Variants in OSTN observed in about 807,000 individuals in gnomAD.
OSTN encodes the protein osteocrin.
In OSTN, 9 loss-of-function variants were observed where a neutral mutation model predicts 12.0. That is an observed-to-expected ratio of 0.75 (90% CI 0.45 to 1.30). The LOEUF (loss-of-function observed/expected upper bound fraction) is 1.30. Ranked by LOEUF, OSTN falls within the 50% of genes most tolerant of loss-of-function variation. OSTN has a pLI of 0.00. For synonymous variants in OSTN, 59 were observed against 56.9 expected (o/e 1.04, Z -0.16); for missense variants, 148 against 152.3 (o/e 0.97, Z 0.15).
chr3:191,200,705 GC>G, intron 1 of OSTN, among the ~76,000 whole-genome samples: 1 of 152,208 alleles, frequency 6.6e-6, no homozygotes, highest in African/African-American at 2.4e-5. Context: ...ATTTGAGGAA[GC>G]CCCCATGTCA....
chr3:191,221,815 T>C (rs1714772218), intron 3 of OSTN, among the ~76,000 whole-genome samples: 1 of 152,024 alleles, frequency 6.6e-6, no homozygotes, highest in Admixed American at 6.6e-5. Flanking sequence ...ATGGGGAAAA[T>C]ATCTCCAGGG....
intron 3 of OSTN, among the ~76,000 whole-genome samples, chr3:191,220,607 G>A (rs7432430): frequency 0.19 from 29,639 of 152,040 alleles, 3,580 homozygotes; most frequent in Middle Eastern, 0.44. Flanking sequence ...TTGAGCTACC[G>A]TATGTTCCAG....
chr3:191,219,904 T>C (rs1401917589), intron 3 of OSTN, among the ~76,000 whole-genome samples: 3 of 152,206 alleles, frequency 2.0e-5, no homozygotes, highest in Non-Finnish European at 4.4e-5. Flanking sequence ...CTCCACTCTT[T>C]CCTCATCTCT....
chr3:191,212,449 T>C, intron 1 of OSTN, 84 bp from the exon 2 acceptor site: 2 of 781,192 alleles, frequency 2.6e-6, no homozygotes, highest in Non-Finnish European at 3.8e-6. Context: ...ACCATTTGCC[T>C]CTAACAGTCC....
At chr3:191,261,220 A>G (rs1715801978) in intron 4 of OSTN, among the ~76,000 whole-genome samples, 1 of 152,200 alleles carries the variant, frequency 6.6e-6, no homozygotes, top group Admixed American at 6.5e-5. Context: ...AATCACTGAC[A>G]TGCGGCAGAT....
chr3:191,263,383 G>A lies in OSTN; in HGVS notation c.*530G>A, dbSNP rs1454689. The stretch of plus-strand genomic sequence containing the variant: ...CTTCTCTTTTCATATTCAAGTTTCA[G>A]TCATGTTCAGAAAAATAAAACACAG... On this transcript the variant is annotated 3_prime_UTR_variant, in exon 5 of 5. Transcript: ENST00000682035. The A allele has an allele frequency of 0.057, 8,619 of 152,276 alleles. 309 individuals carry two copies. Among genetic ancestry groups the A allele is most frequent in the East Asian group, 0.13 (648 of 5,180 alleles). 9.4% of individuals were successfully genotyped at this position (152,276 alleles called of 1,614,324 possible).
chr3:191,226,035 A>C (rs916048532), intron 3 of OSTN, among the ~76,000 whole-genome samples: 1 of 152,162 alleles, frequency 6.6e-6, no homozygotes, highest in Non-Finnish European at 1.5e-5. Flanking sequence ...ATAAATAAGA[A>C]AATTTTAGGA....
chr3:191,216,141 A>T (rs1395339146), intron 2 of OSTN, among the ~76,000 whole-genome samples: 2 of 152,034 alleles, frequency 1.3e-5, no homozygotes, highest in African/African-American at 4.8e-5. Flanking sequence ...ACATGTGTAA[A>T]CCAGTGTAAA....
At chr3:191,252,813 T>G (rs1202313893) in intron 4 of OSTN, among the ~76,000 whole-genome samples, 1 of 152,236 alleles carries the variant, frequency 6.6e-6, no homozygotes, top group African/African-American at 2.4e-5. Flanking sequence ...TTTTATATTT[T>G]TATCTACTGT....
chr3:191,210,522 C>T (rs529039675), intron 1 of OSTN, among the ~76,000 whole-genome samples: 10 of 152,280 alleles, frequency 6.6e-5, no homozygotes, highest in African/African-American at 1.7e-4. Flanking sequence ...TGAATCGATT[C>T]AATCCTCTCA....
intron 3 of OSTN, among the ~76,000 whole-genome samples, chr3:191,230,978 C>T (rs532180460): frequency 1.3e-5 from 2 of 152,154 alleles, no homozygotes; most frequent in African/African-American, 2.4e-5. Context: ...CTACGGGCTT[C>T]GGAAGTTGAG....
intron 2 of OSTN, among the ~76,000 whole-genome samples, chr3:191,216,396 C>A (rs1714613744): frequency 6.6e-6 from 1 of 152,236 alleles, no homozygotes; most frequent in African/African-American, 2.4e-5. Context: ...TAGCATTTGG[C>A]TCCTAGTTAC....
chr3:191,244,950 A>G (rs1715397417), intron 3 of OSTN, among the ~76,000 whole-genome samples: 1 of 152,146 alleles, frequency 6.6e-6, no homozygotes, highest in Admixed American at 6.5e-5. Flanking sequence ...CCACTTGACC[A>G]GTAGTTTTCA....
At chr3:191,225,714 T>C (rs970214550) in intron 3 of OSTN, among the ~76,000 whole-genome samples, 1 of 152,134 alleles carries the variant, frequency 6.6e-6, no homozygotes, top group Non-Finnish European at 1.5e-5. Context: ...CTAACTGAAT[T>C]AATACAGAAA....
chr3:191,240,819 T>C (rs953050066), intron 3 of OSTN, among the ~76,000 whole-genome samples: 1 of 152,280 alleles, frequency 6.6e-6, no homozygotes, highest in African/African-American at 2.4e-5. Flanking sequence ...GTTGTTAGCA[T>C]GCACTTAGGA....
At chr3:191,250,374 T>A (rs1391712378) in intron 4 of OSTN, among the ~76,000 whole-genome samples, 1 of 152,176 alleles carries the variant, frequency 6.6e-6, no homozygotes, top group Admixed American at 6.5e-5. Flanking sequence ...ATGATTTAGT[T>A]GTTTTCAGAC....
chr3:191,246,121 C>T (rs1375223389), intron 3 of OSTN, among the ~76,000 whole-genome samples: 1 of 145,722 alleles, frequency 6.9e-6, no homozygotes, highest in Non-Finnish European at 1.5e-5. Context: ...TTCATGACAT[C>T]ATCTATTTCT....
chr3:191,205,812 A>G (rs184004315), intron 1 of OSTN, among the ~76,000 whole-genome samples: 42 of 152,324 alleles, frequency 2.8e-4, no homozygotes, highest in African/African-American at 9.4e-4. Context: ...CTCAGTTCTA[A>G]CAATTTTTGT....
intron 3 of OSTN, among the ~76,000 whole-genome samples, chr3:191,249,441 T>G (rs1198065411): frequency 1.3e-5 from 2 of 152,232 alleles, no homozygotes; most frequent in Admixed American, 1.3e-4. Flanking sequence ...TACTTCATTT[T>G]AATAATGAAG....
Sources: gnomAD v4.1 joint callset for allele counts (sites outside exome capture counted in the v4.1 genomes callset) on GRCh38, gnomAD v4.1.1 for gene constraint, MANE v1.5 for transcripts, NCBI Gene and HGNC (gene_info 2026-07-23, HGNC 2026-07-21) for gene names.